The following SLC52A3 variants were observed in gnomAD, a reference collection of about 807,000 sequenced individuals.
SLC52A3 encodes the protein solute carrier family 52, riboflavin transporter, member 3.
SLC52A3 carries 20 observed loss-of-function variants against 29.5 expected under a neutral mutation model. The observed-to-expected ratio is 0.68, with a 90% CI of 0.48 to 0.99. The LOEUF is 0.99. Ranked by LOEUF, SLC52A3 falls within the 50% of genes least tolerant of loss-of-function variation. SLC52A3 has a pLI of 0.00. For missense variants in SLC52A3, 548 were observed against 612.9 expected (o/e 0.89, Z 1.12); for synonymous variants, 301 against 271.0 (o/e 1.11, Z -1.09).
upstream of SLC52A3, among the ~76,000 whole-genome samples, chr20:773,283 C>G (rs1484804838): frequency 1.3e-5 from 2 of 152,178 alleles, no homozygotes; most frequent in Non-Finnish European, 2.9e-5. Flanking sequence ...TTTATTGTGC[C>G]AGACCCTGTG....
rs116652485 is a variant in SLC52A3, at chr20:773,643, A to G, written c.-238+2312T>C. 1.2e-3 allele frequency among the ~76,000 whole-genome samples: 177 copies of G among 152,294 alleles called. 3 individuals are homozygous for G. The highest frequency in any genetic ancestry group is 7.7e-3 in the East Asian group (40 of 5,174). ...GGCTCTGAGACATATCTGCTTCCCAAGGATCCAGGACCCCTTATGTGATCA... is the reference window on the plus strand; with the variant it reads ...GGCTCTGAGACATATCTGCTTCCCAGGGATCCAGGACCCCTTATGTGATCA... On this transcript the variant is annotated intron_variant, in intron 1 of 5. Coordinates refer to the SLC52A3 transcript ENST00000217254.
Position 765,180 on chromosome 20 carries a change from T to C in SLC52A3, c.567+28A>G. The C allele has an allele frequency of 6.2e-7, 1 of 1,612,664 alleles. No homozygotes were observed. The highest frequency in any genetic ancestry group is 8.5e-7 in the Non-Finnish European group (1 of 1,178,708). On this transcript the variant is annotated intron_variant, in intron 2 of 4. Coordinates refer to ENST00000645534, the MANE Select transcript of SLC52A3 (RefSeq NM_033409.4). The surrounding 1 kb of genome is among the most constrained non-coding windows in gnomAD (Gnocchi z 6.6). Reference sequence around the variant, plus strand: ...CTACATTTGTGATAAAGCCAAGTGCTGAGATGGCTCCGGGTGATGCTGGGT... The same window carrying C: ...CTACATTTGTGATAAAGCCAAGTGCCGAGATGGCTCCGGGTGATGCTGGGT...
chr20:777,481 CAG>C (rs1407549694), upstream of SLC52A3, among the ~76,000 whole-genome samples: 9 of 152,164 alleles, frequency 5.9e-5, no homozygotes, highest in African/African-American at 2.2e-4. Flanking sequence ...TGGTTGCTCA[CAG>C]TGCTACGGCC....
intron 3 of SLC52A3, among the ~76,000 whole-genome samples, chr20:763,062 C>A (rs77849326): frequency 6.6e-6 from 1 of 152,218 alleles, no homozygotes; most frequent in African/African-American, 2.4e-5. Context: ...AAGGCAGGGC[C>A]GAAATCCTGG....
upstream of SLC52A3, among the ~76,000 whole-genome samples, chr20:778,094 C>T (rs575322601): frequency 5.3e-5 from 8 of 151,468 alleles, no homozygotes; most frequent in African/African-American, 1.7e-4. Flanking sequence ...CGGCTCACTG[C>T]AGCCTCCGCC....
rs1986573024 is a variant in SLC52A3 at position 763,764 on chromosome 20, T to G, written c.807A>C (p.Glu269Asp). 6 of 1,614,132 alleles carry G rather than the reference T, an allele frequency of 3.7e-6. No homozygotes were observed. Among genetic ancestry groups the G allele is most frequent in the Non-Finnish European group, 5.1e-6 (6 of 1,179,988 alleles). Residue 269 changes from glutamate (E) to aspartate (D), a missense_variant, in exon 3 of 5, where the codon GAA (glutamate) becomes GAC (aspartate). Glu to Asp is a conservative substitution (Grantham distance 45). Around this residue, in one of 2 missense-constraint regions of SLC52A3, gnomAD observed 375 missense variants for 471.1 expected, o/e 0.80. Coordinates refer to ENST00000645534, the MANE Select transcript of SLC52A3 (RefSeq NM_033409.4). ...TGCCTGCAGGGCCCAAGTCATTCTCTTCCCGCGGCCGGATGGAGTGGAGGG... is the reference window on the plus strand; with the variant it reads ...TGCCTGCAGGGCCCAAGTCATTCTCGTCCCGCGGCCGGATGGAGTGGAGGG... ...QVTLHSIRPREENDLGPAGTV... is the reference protein window; with the variant it reads ...QVTLHSIRPRDENDLGPAGTV...
chr20:761,540 C>T (rs888844388), intron 4 of SLC52A3, 161 bp downstream of exon 4: 5 of 1,086,058 alleles, frequency 4.6e-6, no homozygotes, highest in African/African-American at 1.6e-5. Context: ...TTCCCTAAGC[C>T]TCCACTCCCA....
In SLC52A3 at chr20:760,722, C is replaced by T. The variant is rs763489451; in HGVS notation, c.*304G>A. On this transcript the variant is annotated 3_prime_UTR_variant, in exon 5 of 5. Transcript: ENST00000645534. This position sits in a 1 kb window ranked among gnomAD's most constrained non-coding sequence, Gnocchi z 4.9. ...AGCCTGAAGGGACAGCCGGCTGTCCCAGCTGTTTCCCTTCTAACACCCTTG... is the reference window on the plus strand; with the variant it reads ...AGCCTGAAGGGACAGCCGGCTGTCCTAGCTGTTTCCCTTCTAACACCCTTG... The T allele has an allele frequency of 1.1e-5, 5 of 440,898 alleles. No homozygotes were observed. 27.3% of individuals were successfully genotyped at this position (440,898 alleles called of 1,614,324 possible).
At position 768,477 on chromosome 20, in the gene SLC52A3, T is replaced by G. The variant is rs1016212474; in HGVS notation, c.-232A>C. On this transcript the variant is annotated 5_prime_UTR_variant, in exon 1 of 5. Coordinates refer to ENST00000645534, the MANE Select transcript of SLC52A3 (RefSeq NM_033409.4). Reference sequence around the variant, plus strand: ...GCTGCAGTCTTTAACTCCATACTTCTTCCTTCTAGTACAAAGCAGGAGTGT... The same window carrying G: ...GCTGCAGTCTTTAACTCCATACTTCGTCCTTCTAGTACAAAGCAGGAGTGT... 1 of 152,244 alleles carries G rather than the reference T, an allele frequency of 6.6e-6. No homozygotes were observed. Among genetic ancestry groups the G allele is most frequent in the African/African-American group, 2.4e-5 (1 of 41,456 alleles). 9.4% of individuals were successfully genotyped at this position (152,244 alleles called of 1,614,324 possible).
In SLC52A3 at chr20:763,532, G is replaced by A. The variant is rs1193292637; in HGVS notation, c.1039C>T (p.Leu347Phe). 1 of 1,614,120 alleles carries A rather than the reference G, an allele frequency of 6.2e-7. No homozygotes were observed. Among genetic ancestry groups the A allele is most frequent in the Admixed American group, 1.7e-5 (1 of 60,026 alleles). Residue 347 changes from leucine to phenylalanine, a missense_variant, in exon 3 of 5, where the codon CTT becomes TTT. By Grantham distance (22) the Leu-to-Phe change is conservative. Transcript: ENST00000645534. ...AGGAACATGGAGACCAACGAGGCAA[G>A]AGGGTTGGCCACAATGCTGAGGGTG... ...AATLSIVANPLASLVSMFLPN... is the reference protein window; with the variant it reads ...AATLSIVANPFASLVSMFLPN...
chr20:767,564 C>T (rs1240768965), intron 1 of SLC52A3, among the ~76,000 whole-genome samples: 1 of 152,064 alleles, frequency 6.6e-6, no homozygotes, highest in East Asian at 1.9e-4. Flanking sequence ...TCCGTGTTAG[C>T]CAGGATGGTC....
At position 768,494 on chromosome 20, in the gene SLC52A3, C is replaced by A. The variant is rs1045431722; in HGVS notation, c.-249G>T. ...CATACTTCTTCCTTCTAGTACAAAG[C>A]AGGAGTGTCCGTTGTGGCCACGCCT... On this transcript the variant is annotated 5_prime_UTR_variant, in exon 1 of 5. Coordinates refer to ENST00000645534, the MANE Select transcript of SLC52A3 (RefSeq NM_033409.4). 1 of 152,236 alleles carries A rather than the reference C, an allele frequency of 6.6e-6. No homozygotes were observed. Among genetic ancestry groups the A allele is most frequent in the African/African-American group, 2.4e-5 (1 of 41,450 alleles). The allele number at this position is 152,236 out of a possible 1,614,324, so 9.4% of individuals were successfully genotyped here.
At chr20:761,880 C>A in intron 3 of SLC52A3, 56 bp from the exon 4 acceptor site, 1 of 1,612,542 alleles carries the variant, frequency 6.2e-7, no homozygotes, top group Non-Finnish European at 8.5e-7. Context: ...CTGACCCCCC[C>A]GCCCCACTGG....
chr20:765,935 G>GAACAA lies in SLC52A3; in HGVS notation c.-51-111_-51-110insTTGTT. 1 of 672,856 alleles carries GAACAA rather than the reference G, an allele frequency of 1.5e-6. No individual in the cohort carries two copies. Among genetic ancestry groups the GAACAA allele is most frequent in the Non-Finnish European group, 2.5e-6 (1 of 397,366 alleles). 41.7% of individuals were successfully genotyped at this position (672,856 alleles called of 1,614,324 possible). The stretch of plus-strand genomic sequence containing the variant: ...TTACTCCCCTTCCTGTGAACAAGCT[G>GAACAA]GCTTTTTTTTTTTTCCTTTGAGACA... On this transcript the variant is annotated intron_variant, in intron 1 of 4. Coordinates refer to ENST00000645534, the MANE Select transcript of SLC52A3 (RefSeq NM_033409.4). This position sits in a 1 kb window ranked among gnomAD's most constrained non-coding sequence, Gnocchi z 6.6.
At chr20:770,943 G>C (rs1986826601), upstream of SLC52A3, among the ~76,000 whole-genome samples, 1 of 152,172 alleles carries the variant, frequency 6.6e-6, no homozygotes, top group African/African-American at 2.4e-5. The surrounding 1 kb of genome is among the most constrained non-coding windows in gnomAD (Gnocchi z 4.5). Context: ...ACGATTTTGT[G>C]CTATGAGGCA....
chr20:761,594 G>A (rs765358930), intron 4 of SLC52A3, 107 bp downstream of exon 4: 18 of 1,530,046 alleles, frequency 1.2e-5, no homozygotes, highest in Admixed American at 3.9e-5. Context: ...TCCCGGGAGG[G>A]TCCCACAGAC....
At chr20:766,999 A>G (rs1986707408) in intron 1 of SLC52A3, among the ~76,000 whole-genome samples, 1 of 151,950 alleles carries the variant, frequency 6.6e-6, no homozygotes, top group South Asian at 2.1e-4. Context: ...AAAATGACTC[A>G]TGTTCAAGGT....
In SLC52A3 at chr20:763,838, G is replaced by T. The variant is rs148832841; in HGVS notation, c.733C>A (p.Pro245Thr). The T allele has an allele frequency of 4.3e-6, 7 of 1,614,002 alleles. No individual in the cohort carries two copies. In the African/African-American group the frequency reaches 9.3e-5, roughly 22 times the overall value. Residue 245 changes from proline to threonine, a missense_variant, in exon 3 of 5, where the codon CCC becomes ACC. Physicochemically the swap from Pro to Thr is conservative, Grantham distance 38 (BLOSUM62 -1). Transcript: ENST00000645534. ...TCCACGGAAGCCTCCCAGCACCTGG[G>T]TTGACGCTGGAGGACAAAGAACGCC... ...LVAFFVLQRQ[P>T]RCWEASVEDL...
chr20:779,228 A>G (rs371542239), upstream of SLC52A3, among the ~76,000 whole-genome samples: 1 of 152,228 alleles, frequency 6.6e-6, no homozygotes, highest in East Asian at 1.9e-4. Flanking sequence ...AAAAAGAAGG[A>G]TGTTTACAAC....
Sources: gnomAD v4.1 joint callset for allele counts (sites outside exome capture counted in the v4.1 genomes callset) on GRCh38, gnomAD v4.1.1 for gene constraint, gnomAD v4.1.1 regional missense constraint, Gnocchi (gnomAD v3.1) non-coding constraint, MANE v1.5 for transcripts, NCBI Gene and HGNC (gene_info 2026-07-23, HGNC 2026-07-21) for gene names.